The following SLC4A4 variants were observed in gnomAD, a reference collection of about 807,000 sequenced individuals.
SLC4A4 encodes solute carrier family 4 member 4.
In SLC4A4, 27 loss-of-function variants were observed where a neutral mutation model predicts 111.5. The ratio of observed to expected loss-of-function variants is 0.24; its 90% CI spans 0.18 to 0.33. The LOEUF (loss-of-function observed/expected upper bound fraction) is 0.33, where lower values mean the gene tolerates loss of function less well. Ranked by LOEUF, SLC4A4 falls within the 10% of genes least tolerant of loss-of-function variation. The pLI is 1.00. For missense variants in SLC4A4, 909 were observed against 1,315.5 expected (o/e 0.69, Z 4.78); for synonymous variants, 443 against 463.4 (o/e 0.96, Z 0.57).
At chr4:71,250,004 A>G (rs1242001874) in intron 2 of SLC4A4, among the ~76,000 whole-genome samples, 1 of 152,116 alleles carries the variant, frequency 6.6e-6, no homozygotes, top group Non-Finnish European at 1.5e-5. Context: ...TTGATACTGT[A>G]GTTTGGTTTA....
intron 2 of SLC4A4, among the ~76,000 whole-genome samples, chr4:71,122,218 C>A (rs1322886216): frequency 6.7e-6 from 1 of 150,012 alleles, no homozygotes; most frequent in African/African-American, 2.5e-5. Flanking sequence ...GAGGCTGAGG[C>A]AGGAGAATTG....
chr4:71,521,681 G>T (rs546075694), intron 16 of SLC4A4, among the ~76,000 whole-genome samples: 1 of 152,190 alleles, frequency 6.6e-6, no homozygotes, highest in Admixed American at 6.5e-5. Flanking sequence ...CAGAAGATGT[G>T]GTGTCCCAGA....
intron 18 of SLC4A4, among the ~76,000 whole-genome samples, chr4:71,537,028 C>T (rs998910009): frequency 7.3e-5 from 11 of 151,004 alleles, no homozygotes; most frequent in East Asian, 2.0e-4. Flanking sequence ...TTTCTTACCA[C>T]GATCTACAGC....
At chr4:71,312,012 C>G in intron 3 of SLC4A4, among the ~76,000 whole-genome samples, 1 of 151,350 alleles carries the variant, frequency 6.6e-6, no homozygotes, top group Non-Finnish European at 1.5e-5. Flanking sequence ...TAACAAAATA[C>G]ATTGACTGCT....
intron 2 of SLC4A4, among the ~76,000 whole-genome samples, chr4:71,111,047 G>A (rs1743071149): frequency 1.3e-5 from 2 of 152,042 alleles, no homozygotes; most frequent in South Asian, 4.1e-4. Flanking sequence ...TTCAAAATCT[G>A]GGCAACTCCA....
chr4:71,210,750 T>C (rs1718085231), intron 1 of SLC4A4, among the ~76,000 whole-genome samples: 1 of 152,194 alleles, frequency 6.6e-6, no homozygotes, highest in Admixed American at 6.5e-5. Flanking sequence ...GCTATGTTGT[T>C]ATGTTTATAT....
intron 1 of SLC4A4, among the ~76,000 whole-genome samples, chr4:71,187,700 C>T: frequency 6.6e-6 from 1 of 152,282 alleles, no homozygotes; most frequent in East Asian, 1.9e-4. Flanking sequence ...GGCGTCTTTA[C>T]GAGGACTGCG....
intron 14 of SLC4A4, among the ~76,000 whole-genome samples, chr4:71,481,508 G>C (rs1265263493): frequency 6.6e-6 from 1 of 151,606 alleles, no homozygotes; most frequent in Admixed American, 6.6e-5. Flanking sequence ...TTCTCTCACA[G>C]CTCCCACAAC....
chr4:71,150,023 A>G (rs1182155375), intron 2 of SLC4A4, among the ~76,000 whole-genome samples: 1 of 152,108 alleles, frequency 6.6e-6, no homozygotes, highest in Non-Finnish European at 1.5e-5. Context: ...GGTTTTTTAT[A>G]TACATGTGAA....
intron 2 of SLC4A4, among the ~76,000 whole-genome samples, chr4:71,240,510 C>T (rs1478177605): frequency 6.6e-6 from 1 of 152,130 alleles, no homozygotes; most frequent in African/African-American, 2.4e-5. Flanking sequence ...TGCTGGTTTT[C>T]CTCTTCCATT....
At chr4:71,253,628 G>A (rs1167795085) in intron 2 of SLC4A4, among the ~76,000 whole-genome samples, 2 of 152,138 alleles carry the variant, frequency 1.3e-5, no homozygotes, top group Admixed American at 1.3e-4. Flanking sequence ...TGGAGCACAG[G>A]AAACAATTGA....
rs1346814068 is a variant in SLC4A4 at position 71,349,903 on chromosome 4, T to C, written c.390-9T>C. On this transcript the variant is annotated splice_polypyrimidine_tract_variant and intron_variant, in intron 4 of 25. Coordinates refer to ENST00000264485, the MANE Select transcript of SLC4A4 (RefSeq NM_001098484.3). Reference sequence around the variant, plus strand: ...TTTTAATTGCTCTTCACTAATCTCATCTTCCTAGGTGGATCAAGTTTGAAG... The same window carrying C: ...TTTTAATTGCTCTTCACTAATCTCACCTTCCTAGGTGGATCAAGTTTGAAG... 6.2e-7 allele frequency: 1 copy of C among 1,613,900 alleles called. No homozygotes were observed. Among genetic ancestry groups the C allele is most frequent in the East Asian group, 2.2e-5 (1 of 44,890 alleles).
chr4:71,349,374 G>C (rs933184503), intron 4 of SLC4A4, among the ~76,000 whole-genome samples: 6 of 152,148 alleles, frequency 3.9e-5, no homozygotes, highest in African/African-American at 1.4e-4. Flanking sequence ...AACAAAACGT[G>C]CCGGTCTTCC....
chr4:71,489,745 TC>T (rs1460755758), intron 15 of SLC4A4, among the ~76,000 whole-genome samples: 1 of 151,658 alleles, frequency 6.6e-6, no homozygotes, highest in African/African-American at 2.4e-5. Context: ...GACTTAATTT[TC>T]CTTTTTTCAT....
Position 71,488,924 on chromosome 4 carries a change from GTGT to G in SLC4A4, c.1974+1907_1974+1909del, listed in dbSNP as rs1560554097. On this transcript the variant is annotated intron_variant, in intron 15 of 25. Coordinates refer to ENST00000264485, the MANE Select transcript of SLC4A4 (RefSeq NM_001098484.3). ...TGTGTGTGTGTGTGTGTGTGTGTGT[GTGT>G]GGTCATGAAGGCCAACTTTTATTTT... Among the ~76,000 whole-genome samples, 95 of 150,942 alleles carry G rather than the reference GTGT, an allele frequency of 6.3e-4. 1 individual carries two copies. In the East Asian group the frequency reaches 9.8e-3, roughly 16 times the overall value.
intron 5 of SLC4A4, among the ~76,000 whole-genome samples, chr4:71,355,451 G>T (rs1276781425): frequency 2.6e-5 from 4 of 152,188 alleles, no homozygotes; most frequent in Non-Finnish European, 4.4e-5. Flanking sequence ...TGATAGTTTT[G>T]CTGAGTGGGG....
intron 2 of SLC4A4, among the ~76,000 whole-genome samples, chr4:71,241,724 C>G (rs1720240187): frequency 6.6e-6 from 1 of 152,154 alleles, no homozygotes; most frequent in African/African-American, 2.4e-5. Context: ...AGAGGAAACT[C>G]TTGGGCAAAT....
chr4:71,532,920 A>G (rs1391215112), intron 17 of SLC4A4, among the ~76,000 whole-genome samples: 1 of 152,174 alleles, frequency 6.6e-6, no homozygotes, highest in Admixed American at 6.6e-5. Flanking sequence ...TACAAAGTAG[A>G]TATAATAATT....
intron 2 of SLC4A4, among the ~76,000 whole-genome samples, chr4:71,246,856 C>T (rs1382402047): frequency 1.3e-5 from 2 of 152,070 alleles, no homozygotes; most frequent in African/African-American, 4.8e-5. Flanking sequence ...GAGTCCTAGT[C>T]TCTATACGTC....
Sources: gnomAD v4.1 joint callset for allele counts (sites outside exome capture counted in the v4.1 genomes callset) on GRCh38, gnomAD v4.1.1 for gene constraint, MANE v1.5 for transcripts, NCBI Gene and HGNC (gene_info 2026-07-23, HGNC 2026-07-21) for gene names.